SPIRE1: variants seen among roughly 807,000 people sequenced by gnomAD.
SPIRE1 encodes the protein protein spire homolog 1.
A neutral mutation model predicts 94.1 loss-of-function variants in SPIRE1; 40 were observed. The observed-to-expected ratio is 0.43, with a 90% CI of 0.33 to 0.55. The LOEUF is 0.55. Among genes scored for constraint, SPIRE1 ranks in the 20% least tolerant of loss-of-function variants. The pLI, the probability that SPIRE1 is intolerant of heterozygous loss-of-function variation, is 0.06. For missense variants in SPIRE1, 838 were observed against 975.2 expected, an observed-to-expected ratio of 0.86 and a Z score of 1.87; for synonymous variants, 376 against 371.7, an observed-to-expected ratio of 1.01 and a Z score of -0.13.
chr18:12,502,119 G>T (rs1170063937), intron 6 of SPIRE1, among the ~76,000 whole-genome samples: 1 of 152,090 alleles, frequency 6.6e-6, no homozygotes, highest in Non-Finnish European at 1.5e-5. Context: ...CAGATTCCTA[G>T]ACTCTAGCTG....
chr18:12,570,169 T>C (rs1211188024), intron 2 of SPIRE1, among the ~76,000 whole-genome samples: 2 of 152,238 alleles, frequency 1.3e-5, no homozygotes, highest in African/African-American at 4.8e-5. Flanking sequence ...CCTAAAAGTA[T>C]TGGAGTCCAT....
chr18:12,477,101 A>G (rs2032633209), intron 10 of SPIRE1, among the ~76,000 whole-genome samples: 1 of 152,218 alleles, frequency 6.6e-6, no homozygotes, highest in African/African-American at 2.4e-5. Context: ...CTTCAAAAAG[A>G]GGACCACAAA....
intron 3 of SPIRE1, among the ~76,000 whole-genome samples, chr18:12,541,670 T>C (rs2035017497): frequency 6.6e-6 from 1 of 152,190 alleles, no homozygotes; most frequent in African/African-American, 2.4e-5. Flanking sequence ...TTCCATTCTT[T>C]TACTCAAGCT....
At chr18:12,487,713 T>C (rs2033090189) in intron 8 of SPIRE1, among the ~76,000 whole-genome samples, 1 of 152,088 alleles carries the variant, frequency 6.6e-6, no homozygotes, top group Non-Finnish European at 1.5e-5. Context: ...AAAAATGAAA[T>C]TATTATTTAT....
intron 2 of SPIRE1, among the ~76,000 whole-genome samples, chr18:12,631,893 A>C (rs976596810): frequency 6.6e-6 from 1 of 151,934 alleles, no homozygotes; most frequent in Non-Finnish European, 1.5e-5. Flanking sequence ...AAAAAATAAA[A>C]AACTGTCCAG....
chr18:12,536,054 C>A (rs1253511542), intron 3 of SPIRE1, among the ~76,000 whole-genome samples: 1 of 152,144 alleles, frequency 6.6e-6, no homozygotes, highest in Non-Finnish European at 1.5e-5. Context: ...TAATGTACCA[C>A]AAGACCATCA....
At chr18:12,621,286 T>TA (rs1319924267) in intron 2 of SPIRE1, among the ~76,000 whole-genome samples, 5 of 152,184 alleles carry the variant, frequency 3.3e-5, no homozygotes, top group Admixed American at 2.6e-4. Flanking sequence ...TGTCAAAAGA[T>TA]AGAGTTACTT....
chr18:12,596,968 G>A (rs1185214320), intron 2 of SPIRE1, among the ~76,000 whole-genome samples: 1 of 143,252 alleles, frequency 7.0e-6, no homozygotes, highest in Non-Finnish European at 1.6e-5. Context: ...CCTTAAGAAT[G>A]AGCAACCCGC....
chr18:12,576,286 C>CT (rs1296200328), intron 2 of SPIRE1, among the ~76,000 whole-genome samples: 1 of 151,966 alleles, frequency 6.6e-6, no homozygotes, highest in East Asian at 1.9e-4. Flanking sequence ...AGTTGGATGA[C>CT]TTACACTACC....
intron 4 of SPIRE1, chr18:12,516,288 C>A (rs1257353483): frequency 6.6e-6 from 1 of 152,208 alleles, no homozygotes; most frequent in Non-Finnish European, 1.5e-5. Context: ...CCTAGACCAG[C>A]CAGCACAGCC....
At chr18:12,555,512 A>G (rs2035479115) in intron 2 of SPIRE1, among the ~76,000 whole-genome samples, 1 of 152,186 alleles carries the variant, frequency 6.6e-6, no homozygotes, top group African/African-American at 2.4e-5. Flanking sequence ...AAGATGGTTC[A>G]ACATATGCAA....
chr18:12,540,383 C>CA (rs1555621790), intron 3 of SPIRE1, among the ~76,000 whole-genome samples: 2 of 151,438 alleles, frequency 1.3e-5, no homozygotes, highest in Admixed American at 1.3e-4. Context: ...TTCTCTGTTA[C>CA]TTTTTTTTTG....
chr18:12,595,468 C>T (rs1039153405), intron 2 of SPIRE1, among the ~76,000 whole-genome samples: 9 of 152,192 alleles, frequency 5.9e-5, no homozygotes, highest in African/African-American at 1.9e-4. Flanking sequence ...CTAACCACCA[C>T]GTTGTTCAGG....
At chr18:12,494,974 C>T (rs1598411097) in intron 7 of SPIRE1, among the ~76,000 whole-genome samples, 1 of 148,038 alleles carries the variant, frequency 6.8e-6, no homozygotes, top group African/African-American at 2.5e-5. Context: ...GGCGTGAACC[C>T]AGGAGGCGGA....
At chr18:12,658,774 G>A (rs2038634481), upstream of SPIRE1, 1 of 336,140 alleles carries the variant, frequency 3.0e-6, no homozygotes. Context: ...CATCTTCAGG[G>A]TAAGCACCGT....
At chr18:12,660,731 A>AGTATATATCACTGTTG (rs543191876), upstream of SPIRE1, among the ~76,000 whole-genome samples, 41 of 150,410 alleles carry the variant, frequency 2.7e-4, 1 homozygote, top group South Asian at 8.5e-3. Flanking sequence ...CTGTATCACA[A>AGTATATATCACTGTTG]GACAGTTATA....
chr18:12,600,091 C>T (rs1193341090), intron 2 of SPIRE1, among the ~76,000 whole-genome samples: 1 of 132,632 alleles, frequency 7.5e-6, no homozygotes, highest in Non-Finnish European at 1.6e-5. Flanking sequence ...CATTCTCCAG[C>T]CAATGGCCAG....
At chr18:12,483,591 T>C (rs903739729) in intron 9 of SPIRE1, among the ~76,000 whole-genome samples, 4 of 152,168 alleles carry the variant, frequency 2.6e-5, no homozygotes, top group African/African-American at 9.7e-5. Flanking sequence ...TTAATACCTG[T>C]ATAGGAAAAA....
chr18:12,452,867 G>C (rs1052891501), intron 14 of SPIRE1, among the ~76,000 whole-genome samples: 3 of 152,074 alleles, frequency 2.0e-5, no homozygotes. Context: ...ACATTTTCTA[G>C]GTTCAATATC....
Sources: allele counts gnomAD v4.1 joint callset (sites outside exome capture counted in the v4.1 genomes callset), GRCh38; gene constraint gnomAD v4.1.1; transcripts MANE v1.5; gene names NCBI Gene and HGNC (gene_info 2026-07-23, HGNC 2026-07-21).